Variants in RYR3 observed in about 807,000 individuals in gnomAD.
RYR3 encodes the protein ryanodine receptor 3, also known as brain ryanodine receptor-calcium release channel.
Under a neutral mutation model 584.3 loss-of-function variants are expected in RYR3, and 207 were observed. The ratio of observed to expected loss-of-function variants is 0.35; its 90% confidence interval spans 0.32 to 0.40. The LOEUF is 0.40. Among genes scored for constraint, RYR3 ranks in the 10% least tolerant of loss-of-function variants. The pLI is 1.00. For missense variants in RYR3, 5,616 were observed against 6,089.2 expected, an observed-to-expected ratio of 0.92 and a Z score of 2.59; for synonymous variants, 2,416 against 2,248.5, an observed-to-expected ratio of 1.07 and a Z score of -2.11.
chr15:33,818,719 A>G (rs1256273432), intron 76 of RYR3, 35 bp downstream of exon 76: 1 of 1,475,294 alleles, frequency 6.8e-7, no homozygotes, highest in South Asian at 1.1e-5. Flanking sequence ...TCTCCCAGGC[A>G]CCAGGGATAC....
In RYR3 at chr15:33,624,171, A is replaced by G. The variant is rs1301320953; in HGVS notation, c.2574+148A>G. ...AACAACTGTTACTCCTCACATTTTC[A>G]CCATGTGTGTCAATTGGGTCTTTAA... On this transcript the variant is annotated intron_variant, in intron 20 of 103. Transcript: ENST00000634891. The G allele has an allele frequency of 4.7e-6, 3 of 644,766 alleles. No individual in the cohort carries two copies. The South Asian group carries it at 5.8e-5, about 13-fold the overall frequency. 39.9% of individuals were successfully genotyped at this position (644,766 alleles called of 1,614,324 possible).
At chr15:33,582,211 G>A (rs10431810) in intron 14 of RYR3, among the ~76,000 whole-genome samples, 22,952 of 152,138 alleles carry the variant, frequency 0.15, 2,542 homozygotes, top group East Asian at 0.6. Flanking sequence ...TAGGCCACCC[G>A]CCTATGGGTG....
intron 102 of RYR3, among the ~76,000 whole-genome samples, chr15:33,863,362 A>G (rs1597133723): frequency 6.6e-6 from 1 of 152,184 alleles, no homozygotes; most frequent in Non-Finnish European, 1.5e-5. Flanking sequence ...GTGGGCCAGG[A>G]CCTGACGCTC....
In RYR3 at chr15:33,825,675, A is replaced by G; in HGVS notation, c.11145A>G (p.Thr3715=). The stretch of plus-strand genomic sequence containing the variant: ...TGGGGATGGTGACTGAAGAAGGAAC[A>G]CGTAAGTAACTAATGAATGTGAAGG... The part of the protein sequence containing the change: ...EGLGMVTEEG[T]LIVRERGEKV... Residue 3715 remains threonine, a splice_region_variant and synonymous_variant, in exon 82 of 104, where the codon ACA becomes ACG. Coordinates refer to ENST00000634891, the MANE Select transcript of RYR3 (RefSeq NM_001036.6). 2 of 1,581,254 alleles carry G rather than the reference A, an allele frequency of 1.3e-6. No individual in the cohort carries two copies. The highest frequency in any genetic ancestry group is 8.7e-7 in the Non-Finnish European group (1 of 1,152,114).
intron 100 of RYR3, among the ~76,000 whole-genome samples, chr15:33,860,309 T>C (rs993647334): frequency 1.3e-5 from 2 of 151,800 alleles, no homozygotes; most frequent in East Asian, 1.9e-4. Flanking sequence ...TGAACACAAA[T>C]AGCTAAGCAA....
intron 80 of RYR3, among the ~76,000 whole-genome samples, chr15:33,821,831 T>A (rs1481938768): frequency 6.6e-6 from 1 of 152,248 alleles, no homozygotes; most frequent in East Asian, 1.9e-4. Context: ...GGATTAAAGA[T>A]AAAAACATTT....
chr15:33,862,341 T>C (rs1813447263), intron 102 of RYR3, among the ~76,000 whole-genome samples: 1 of 150,964 alleles, frequency 6.6e-6, no homozygotes, highest in African/African-American at 2.4e-5. Context: ...CCTGAGTAGC[T>C]GGGACAGGTG....
intron 27 of RYR3, among the ~76,000 whole-genome samples, chr15:33,641,608 C>T (rs1321751076): frequency 6.6e-6 from 1 of 152,166 alleles, no homozygotes; most frequent in Non-Finnish European, 1.5e-5. Context: ...AGCGCTGGTG[C>T]TTAATGAGAA....
chr15:33,706,857 G>T, intron 42 of RYR3, 62 bp from the exon 43 acceptor site: 1 of 1,473,780 alleles, frequency 6.8e-7, no homozygotes, highest in Non-Finnish European at 9.2e-7. Flanking sequence ...ATTTTTTGAG[G>T]TGTGTTTTTT....
intron 51 of RYR3, among the ~76,000 whole-genome samples, chr15:33,741,090 C>T (rs542377154): frequency 1.2e-4 from 19 of 152,348 alleles, no homozygotes; most frequent in African/African-American, 4.6e-4. Context: ...AAACATTATA[C>T]TCTAGCAACT....
chr15:33,400,372 C>G (rs527916053), intron 1 of RYR3, among the ~76,000 whole-genome samples: 1 of 152,304 alleles, frequency 6.6e-6, no homozygotes. Flanking sequence ...TCCTTCCCCC[C>G]GCCACACACA....
chr15:33,848,911 C>G (rs1274796586), intron 94 of RYR3: 2 of 145,808 alleles, frequency 1.4e-5, no homozygotes, highest in African/African-American at 5.1e-5. Context: ...TCTCAGCTCA[C>G]TGCAAGCTCT....
At chr15:33,471,866 G>A (rs746344074) in intron 1 of RYR3, among the ~76,000 whole-genome samples, 60 of 152,150 alleles carry the variant, frequency 3.9e-4, no homozygotes, top group Non-Finnish European at 7.2e-4. Context: ...AGTCATCTTG[G>A]CAACTAAGAG....
chr15:33,762,542 A>C (rs1289572603), intron 60 of RYR3, among the ~76,000 whole-genome samples: 1 of 152,220 alleles, frequency 6.6e-6, no homozygotes, highest in Non-Finnish European at 1.5e-5. Context: ...TAAAATACGT[A>C]GGAATACAAC....
intron 42 of RYR3, among the ~76,000 whole-genome samples, chr15:33,701,646 G>T (rs1314257675): frequency 6.6e-6 from 1 of 152,024 alleles, no homozygotes; most frequent in African/African-American, 2.4e-5. Flanking sequence ...CAACCTGGAG[G>T]GGGAGGGGGG....
At chr15:33,692,048 A>G (rs2065472997) in intron 38 of RYR3, among the ~76,000 whole-genome samples, 1 of 152,216 alleles carries the variant, frequency 6.6e-6, no homozygotes, top group Non-Finnish European at 1.5e-5. Flanking sequence ...CTTGGTAGAG[A>G]TGTCAGTAAT....
chr15:33,747,548 C>T (rs1415836468), intron 53 of RYR3, among the ~76,000 whole-genome samples: 2 of 151,616 alleles, frequency 1.3e-5, no homozygotes, highest in Admixed American at 1.3e-4. Context: ...CCTTAGCCTC[C>T]CGAGTAGCTG....
At chr15:33,376,951 G>A (rs1239377160) in intron 1 of RYR3, among the ~76,000 whole-genome samples, 2 of 152,046 alleles carry the variant, frequency 1.3e-5, no homozygotes, top group Non-Finnish European at 2.9e-5. Context: ...GCCTGTTTTT[G>A]GACTCTCTGT....
At chr15:33,814,564 T>TG (rs1359269775) in intron 74 of RYR3, among the ~76,000 whole-genome samples, 1 of 152,190 alleles carries the variant, frequency 6.6e-6, no homozygotes, top group African/African-American at 2.4e-5. Context: ...CTGAGCCAAC[T>TG]GGCCACCTGG....
Sources: allele counts gnomAD v4.1 joint callset (sites outside exome capture counted in the v4.1 genomes callset), GRCh38; gene constraint gnomAD v4.1.1; transcripts MANE v1.5; gene names NCBI Gene and HGNC (gene_info 2026-07-23, HGNC 2026-07-21).